Variants in TENM3 observed in about 807,000 individuals in gnomAD.
The protein encoded by TENM3 is teneurin transmembrane protein 3, also known as teneurin-3.
In TENM3, 63 loss-of-function variants were observed where a neutral mutation model predicts 255.1. The ratio of observed to expected loss-of-function variants is 0.25; its 90% confidence interval spans 0.20 to 0.30. The LOEUF (loss-of-function observed/expected upper bound fraction) is 0.30, where lower values mean the gene tolerates loss of function less well. TENM3 is among the 10% of genes least tolerant of loss of function. The pLI is 1.00. For synonymous variants in TENM3, 1,306 were observed against 1,322.3 expected, an observed-to-expected ratio of 0.99 and a Z score of 0.27; for missense variants, 2,929 against 3,461.1, an observed-to-expected ratio of 0.85 and a Z score of 3.86.
the TENM3 span, among the ~76,000 whole-genome samples, chr4:181,459,596 T>A: frequency 2.0e-5 from 3 of 151,932 alleles, no homozygotes; most frequent in Admixed American, 6.6e-5. Flanking sequence ...TTAAAAAGTA[T>A]ACACTTTCCT....
chr4:181,661,794 A>G, the TENM3 span, among the ~76,000 whole-genome samples: 1 of 151,832 alleles, frequency 6.6e-6, no homozygotes, highest in Non-Finnish European at 1.5e-5. Context: ...AAGTCAATAA[A>G]ACAGTAAGTG....
At chr4:181,883,126 C>CTTTTTTTTTTTTTTTTTTTTTTTTTTTT in the TENM3 span, among the ~76,000 whole-genome samples, 105 of 106,696 alleles carry the variant, frequency 9.8e-4, 1 homozygote, top group Middle Eastern at 5.5e-3. Flanking sequence ...TGCAATTAAT[C>CTTTTTTTTTTTTTTTTTTTTTTTTTTTT]TTTTTTTTTT....
the TENM3 span, among the ~76,000 whole-genome samples, chr4:181,901,533 T>C: frequency 6.6e-6 from 1 of 152,230 alleles, no homozygotes; most frequent in South Asian, 2.1e-4. Flanking sequence ...AGATTTCCAA[T>C]GGAAATTACT....
At chr4:182,071,884 G>T in the TENM3 span, among the ~76,000 whole-genome samples, 1 of 151,890 alleles carries the variant, frequency 6.6e-6, no homozygotes, top group Non-Finnish European at 1.5e-5. Flanking sequence ...TGATTTTATG[G>T]CTACAGAAAC....
chr4:181,672,320 T>A, the TENM3 span, among the ~76,000 whole-genome samples: 1 of 152,200 alleles, frequency 6.6e-6, no homozygotes, highest in South Asian at 2.1e-4. Context: ...ATGCAATATT[T>A]GCTTTATTTG....
intron 2 of TENM3, among the ~76,000 whole-genome samples, chr4:182,329,396 A>G (rs1419530323): frequency 6.6e-6 from 1 of 152,180 alleles, no homozygotes; most frequent in Non-Finnish European, 1.5e-5. Flanking sequence ...GAGCTGGGGA[A>G]GCCTGAACAG....
At chr4:182,309,467 C>T (rs754534126) in intron 1 of TENM3, among the ~76,000 whole-genome samples, 1 of 152,146 alleles carries the variant, frequency 6.6e-6, no homozygotes, top group African/African-American at 2.4e-5. Flanking sequence ...TAAAATAAGC[C>T]TACCAGCATT....
At chr4:182,255,290 C>T (rs142651747) in intron 1 of TENM3, among the ~76,000 whole-genome samples, 2 of 152,124 alleles carry the variant, frequency 1.3e-5, no homozygotes, top group African/African-American at 4.8e-5. Context: ...ATAATGTACC[C>T]CCAAAGCACA....
Position 182,292,350 on chromosome 4 carries a change from C to CA in TENM3, c.-75-31589dup, listed in dbSNP as rs537926860. Reference sequence around the variant, plus strand: ...AATATTTTCTATGTAAAATTCACCTCAAAAAAATGAACAGTGCCTATCTTG... The same window carrying CA: ...AATATTTTCTATGTAAAATTCACCTCAAAAAAAATGAACAGTGCCTATCTTG... On this transcript the variant is annotated intron_variant, in intron 1 of 27. Coordinates refer to ENST00000511685, the MANE Select transcript of TENM3 (RefSeq NM_001080477.4). 3.8e-3 allele frequency among the ~76,000 whole-genome samples: 576 copies of CA among 152,088 alleles called. 2 individuals carry two copies. Among genetic ancestry groups the CA allele is most frequent in the African/African-American group, 0.013 (536 of 41,520 alleles).
At chr4:182,571,788 A>G (rs560813955) in intron 3 of TENM3, among the ~76,000 whole-genome samples, 1 of 152,230 alleles carries the variant, frequency 6.6e-6, no homozygotes, top group Non-Finnish European at 1.5e-5. Context: ...AGTGTATATA[A>G]TTAACATAGA....
At chr4:182,486,882 G>T (rs537557471) in intron 3 of TENM3, among the ~76,000 whole-genome samples, 1 of 152,304 alleles carries the variant, frequency 6.6e-6, no homozygotes, top group East Asian at 1.9e-4. Context: ...TCCCTTGGGG[G>T]TCTTCCAGAT....
chr4:182,088,748 T>C, the TENM3 span, among the ~76,000 whole-genome samples: 1 of 150,666 alleles, frequency 6.6e-6, no homozygotes, highest in Non-Finnish European at 1.5e-5. Flanking sequence ...GCAGGAGAAT[T>C]GCTTGAACCC....
At chr4:181,676,771 C>T in the TENM3 span, among the ~76,000 whole-genome samples, 6 of 152,196 alleles carry the variant, frequency 3.9e-5, no homozygotes, top group African/African-American at 1.4e-4. Context: ...GGAGCCAAAA[C>T]ACTCCTCAAC....
At chr4:182,768,302 A>C (rs1763891853) in intron 22 of TENM3, among the ~76,000 whole-genome samples, 1 of 152,226 alleles carries the variant, frequency 6.6e-6, no homozygotes, top group Middle Eastern at 3.2e-3. Flanking sequence ...TCCTGTTGTC[A>C]AGTTGTAAAG....
At chr4:182,472,042 T>C (rs1053003650) in intron 3 of TENM3, among the ~76,000 whole-genome samples, 3 of 151,844 alleles carry the variant, frequency 2.0e-5, no homozygotes, top group African/African-American at 7.3e-5. Context: ...AGTGGACTCT[T>C]GAATTTCAAG....
At chr4:182,072,584 C>A in the TENM3 span, among the ~76,000 whole-genome samples, 2 of 152,196 alleles carry the variant, frequency 1.3e-5, no homozygotes, top group African/African-American at 2.4e-5. Flanking sequence ...TATACTTCCA[C>A]TCTAGGCATA....
the TENM3 span, among the ~76,000 whole-genome samples, chr4:181,660,992 G>A: frequency 5.3e-5 from 8 of 152,180 alleles, no homozygotes; most frequent in Non-Finnish European, 1.0e-4. Flanking sequence ...TAGGAGCACC[G>A]CAGATATGTA....
intron 24 of TENM3, among the ~76,000 whole-genome samples, chr4:182,787,953 G>A (rs538347933): frequency 6.6e-6 from 1 of 152,176 alleles, no homozygotes; most frequent in East Asian, 1.9e-4. Context: ...CATGTTTAAT[G>A]TGAATGATAG....
chr4:181,640,240 A>G, the TENM3 span, among the ~76,000 whole-genome samples: 2 of 152,172 alleles, frequency 1.3e-5, no homozygotes, highest in African/African-American at 4.8e-5. Context: ...TGGGGATAGA[A>G]TGCAGTAATC....
Sources: gnomAD v4.1 joint callset for allele counts (sites outside exome capture counted in the v4.1 genomes callset) on GRCh38, gnomAD v4.1.1 for gene constraint, MANE v1.5 for transcripts, NCBI Gene and HGNC (gene_info 2026-07-23, HGNC 2026-07-21) for gene names.